The following BLOC1S5 variants were observed in gnomAD, a reference collection of about 807,000 sequenced individuals.
BLOC1S5 encodes the protein biogenesis of lysosomal organelles complex 1 subunit 5.
In BLOC1S5, 27 loss-of-function variants were observed where a neutral mutation model predicts 24.3. The observed-to-expected ratio is 1.11, with a 90% CI of 0.82 to 1.53. The LOEUF (loss-of-function observed/expected upper bound fraction) is 1.53. BLOC1S5 is among the 40% of genes most tolerant of loss of function. The pLI is 0.00. For synonymous variants in BLOC1S5, 84 were observed against 74.5 expected (o/e 1.13, Z -0.66); for missense variants, 239 against 229.4 (o/e 1.04, Z -0.27).
chr6:8,024,997 C>T (rs1037095992), intron 4 of BLOC1S5, among the ~76,000 whole-genome samples: 2 of 152,200 alleles, frequency 1.3e-5, no homozygotes, highest in Admixed American at 1.3e-4. Context: ...AGGGCTAATA[C>T]ACCACATGTA....
chr6:8,061,152 A>G (rs1764498030), intron 2 of BLOC1S5, among the ~76,000 whole-genome samples: 1 of 152,168 alleles, frequency 6.6e-6, no homozygotes, highest in South Asian at 2.1e-4. Flanking sequence ...AGGAATTGGT[A>G]ACCATCTTTA....
intron 2 of BLOC1S5, among the ~76,000 whole-genome samples, chr6:8,050,757 A>G (rs1289651901): frequency 6.6e-6 from 1 of 151,456 alleles, no homozygotes; most frequent in Non-Finnish European, 1.5e-5. Context: ...CAAGTGCCAC[A>G]ATGCCTGGCT....
chr6:8,055,541 T>C (rs1764277108), intron 2 of BLOC1S5, among the ~76,000 whole-genome samples: 1 of 152,220 alleles, frequency 6.6e-6, no homozygotes, highest in Non-Finnish European at 1.5e-5. Flanking sequence ...TCTAATCAAT[T>C]GTGTGGGATT....
In BLOC1S5 at chr6:8,064,337, C is replaced by T. The variant is rs1450722671; in HGVS notation, c.40G>A (p.Ala14Thr). The change falls in exon 1 of 5, where the codon GCC becomes ACC. Residue 14 changes from alanine (A) to threonine (T), a missense_variant. Transcript: ENST00000397457. ...TTCTTGCTGCCACCGCCCGGGGCGG[C>T]CTCACAACCCACAGGGGTCTCTGTC... ...GGTETPVGCEAAPGGGSKKRD... is the reference protein window; with the variant it reads ...GGTETPVGCETAPGGGSKKRD... 5 of 1,612,930 alleles carry T rather than the reference C, an allele frequency of 3.1e-6. No homozygotes were observed. In the East Asian group the frequency reaches 6.7e-5, roughly 22 times the overall value.
At chr6:8,027,397 C>T in intron 3 of BLOC1S5, 1 of 456,698 alleles carries the variant, frequency 2.2e-6, no homozygotes, top group Non-Finnish European at 4.4e-6. Context: ...CTTAGTTCCT[C>T]ATCTGTAAAA....
At chr6:8,053,893 T>C (rs575588156) in intron 2 of BLOC1S5, among the ~76,000 whole-genome samples, 5 of 152,128 alleles carry the variant, frequency 3.3e-5, no homozygotes, top group Non-Finnish European at 5.9e-5. Flanking sequence ...GTTCTCACAG[T>C]TATGTTTACA....
intron 2 of BLOC1S5, among the ~76,000 whole-genome samples, chr6:8,042,551 G>T (rs1763731941): frequency 6.6e-6 from 1 of 152,236 alleles, no homozygotes; most frequent in Non-Finnish European, 1.5e-5. Flanking sequence ...CGGCAGACGG[G>T]CTGCAAGCAG....
At chr6:8,053,383 C>T (rs949560893) in intron 2 of BLOC1S5, among the ~76,000 whole-genome samples, 1 of 152,130 alleles carries the variant, frequency 6.6e-6, no homozygotes, top group Non-Finnish European at 1.5e-5. Flanking sequence ...GCCACAGCCA[C>T]CCCAACCTTC....
intron 3 of BLOC1S5, among the ~76,000 whole-genome samples, chr6:8,028,831 T>G (rs1256517951): frequency 6.6e-6 from 1 of 152,156 alleles, no homozygotes; most frequent in African/African-American, 2.4e-5. Flanking sequence ...AAACATTCCC[T>G]TTTTGAACAA....
At chr6:8,039,894 T>C (rs868582871) in intron 3 of BLOC1S5, among the ~76,000 whole-genome samples, 11 of 152,286 alleles carry the variant, frequency 7.2e-5, no homozygotes, top group African/African-American at 2.2e-4. Context: ...ACAGATGATA[T>C]TGAAAGGCGT....
intron 2 of BLOC1S5, among the ~76,000 whole-genome samples, chr6:8,054,807 G>T (rs1764256749): frequency 6.6e-6 from 1 of 152,138 alleles, no homozygotes; most frequent in Non-Finnish European, 1.5e-5. Context: ...CTTCAAGAAA[G>T]TTTTTTTGAC....
At chr6:8,059,925 A>T (rs909390038) in intron 2 of BLOC1S5, among the ~76,000 whole-genome samples, 1 of 152,256 alleles carries the variant, frequency 6.6e-6, no homozygotes, top group East Asian at 1.9e-4. Flanking sequence ...GAAGGGTGGG[A>T]CTATGTCTGT....
chr6:8,063,486 T>C (rs1409749038), intron 1 of BLOC1S5, among the ~76,000 whole-genome samples: 1 of 152,230 alleles, frequency 6.6e-6, no homozygotes, highest in African/African-American at 2.4e-5. Flanking sequence ...TCACTGGCAA[T>C]GTTCCCCAAA....
At chr6:8,027,571 C>T (rs556509746) in intron 3 of BLOC1S5, among the ~76,000 whole-genome samples, 8 of 152,354 alleles carry the variant, frequency 5.3e-5, no homozygotes, top group Non-Finnish European at 8.8e-5. Flanking sequence ...CGGTGGCTCA[C>T]GCCTGTAATC....
At chr6:8,058,730 C>A (rs958555858) in intron 2 of BLOC1S5, among the ~76,000 whole-genome samples, 1 of 152,124 alleles carries the variant, frequency 6.6e-6, no homozygotes, top group Non-Finnish European at 1.5e-5. Flanking sequence ...AGCATATGGA[C>A]AAAGGCAACA....
At chr6:8,062,512 TA>T in intron 2 of BLOC1S5, 21 bp downstream of exon 2, 1 of 1,444,620 alleles carries the variant, frequency 6.9e-7, no homozygotes, top group Non-Finnish European at 9.5e-7. Flanking sequence ...AGTACTTTTA[TA>T]AAATAAGTTT....
chr6:8,023,575 G>A (rs1384968301), intron 4 of BLOC1S5, among the ~76,000 whole-genome samples: 1 of 147,656 alleles, frequency 6.8e-6, no homozygotes, highest in Non-Finnish European at 1.5e-5. Flanking sequence ...GGGTGACGGA[G>A]TGAGACTCCA....
intron 2 of BLOC1S5, among the ~76,000 whole-genome samples, chr6:8,050,692 G>A (rs540272796): frequency 2.4e-4 from 36 of 149,286 alleles, no homozygotes; most frequent in South Asian, 8.5e-4. Context: ...AACCTCTGCC[G>A]CCCAGGTTCA....
intron 4 of BLOC1S5, among the ~76,000 whole-genome samples, chr6:8,023,493 G>A (rs1036714935): frequency 2.0e-5 from 3 of 152,086 alleles, no homozygotes; most frequent in Admixed American, 6.5e-5. Context: ...AGGAGGCTGA[G>A]GCAGGAGAAT....
Sources: gnomAD v4.1 joint callset for allele counts (sites outside exome capture counted in the v4.1 genomes callset) on GRCh38, gnomAD v4.1.1 for gene constraint, MANE v1.5 for transcripts, NCBI Gene and HGNC (gene_info 2026-07-23, HGNC 2026-07-21) for gene names.